The following CARD14 variants were observed in gnomAD, a reference collection of about 807,000 sequenced individuals.
CARD14 encodes caspase recruitment domain family member 14.
Under a neutral mutation model 111.5 loss-of-function variants are expected in CARD14, and 107 were observed. The ratio of observed to expected loss-of-function variants is 0.96; its 90% CI spans 0.82 to 1.13. CARD14 has a LOEUF of 1.13. Among genes scored for constraint, CARD14 ranks in the 50% most tolerant of loss-of-function variants. CARD14 has a pLI of 0.00. For missense variants in CARD14, 1,322 were observed against 1,362.3 expected, an observed-to-expected ratio of 0.97 and a Z score of 0.47; for synonymous variants, 617 against 579.6, an observed-to-expected ratio of 1.06 and a Z score of -0.93.
intron 16 of CARD14, among the ~76,000 whole-genome samples, chr17:80,200,229 ATTTTTTT>A (rs373332962): frequency 5.4e-5 from 4 of 74,430 alleles, no homozygotes; most frequent in South Asian, 1.1e-3. Context: ...TTTACATGTC[ATTTTTTT>A]TTTTTTTTTT....
chr17:80,185,284 T>C (rs951276805), intron 7 of CARD14, among the ~76,000 whole-genome samples: 2 of 152,082 alleles, frequency 1.3e-5, no homozygotes, highest in African/African-American at 4.8e-5. Flanking sequence ...ACTCTTGGGC[T>C]CAAGCGATCC....
At chr17:80,206,649 C>A (rs1460292629) in intron 22 of CARD14, 1 of 162,356 alleles carries the variant, frequency 6.2e-6, no homozygotes, top group Non-Finnish European at 1.3e-5. Context: ...CGCCTGTAGT[C>A]CCAGCTACTC....
intron 4 of CARD14, among the ~76,000 whole-genome samples, 197 bp from the exon 5 acceptor site, chr17:80,181,222 A>G (rs374678128): frequency 1.3e-5 from 2 of 152,246 alleles, no homozygotes; most frequent in East Asian, 1.9e-4. Context: ...TCAACCTTAC[A>G]CAGAGGGAGA....
Position 80,205,063 on chromosome 17 carries a change from C to A in CARD14, c.2427C>A (p.Ser809Arg). The A allele has an allele frequency of 6.2e-7, 1 of 1,607,140 alleles. No individual in the cohort carries two copies. The highest frequency in any genetic ancestry group is 1.7e-5 in the Admixed American group (1 of 59,464). Residue 809 changes from serine (S) to arginine (R), a missense_variant, in exon 21 of 24, where the codon AGC becomes AGA. Physicochemically the swap from Ser to Arg is moderately radical, Grantham distance 110 (BLOSUM62 -1). Transcript: ENST00000648509. The part of the protein sequence containing the change: ...EGSSTCFWAE[S>R]CLTLVPYTLV... ...CCAGCACGTGCTTCTGGGCCGAGAG[C>A]TGCCTCACCCTGGTGCCCTATACCC...
rs768649469 is a variant in CARD14 at position 80,195,354 on chromosome 17, CTGGCACTGGGG to C, written c.1499+34_1499+44del. ...TTCAGGTAGAGCACTGGGGTCCTTC[CTGGCACTGGGG>C]TGGCACTGGGGTCCTTCCTGGCAAC... On this transcript the variant is annotated intron_variant, in intron 13 of 23. Coordinates refer to ENST00000648509, the MANE Select transcript of CARD14 (RefSeq NM_001366385.1). This position sits in a 1 kb window ranked among gnomAD's most constrained non-coding sequence, Gnocchi z 4.7. 4 of 1,598,008 alleles carry C rather than the reference CTGGCACTGGGG, an allele frequency of 2.5e-6. No homozygotes were observed. The highest frequency in any genetic ancestry group is 2.2e-5 in the East Asian group (1 of 44,490).
rs770965110 is a variant in CARD14, at chr17:80,205,057, C to G, written c.2421C>G (p.Ala807=). ...RMEGSSTCFW[A]ESCLTLVPYT... Reference sequence around the variant, plus strand: ...CAGGCTCCAGCACGTGCTTCTGGGCCGAGAGCTGCCTCACCCTGGTGCCCT... The same window carrying G: ...CAGGCTCCAGCACGTGCTTCTGGGCGGAGAGCTGCCTCACCCTGGTGCCCT... Residue 807 remains alanine, a synonymous_variant, in exon 21 of 24, where the codon GCC becomes GCG. Transcript: ENST00000648509. 4 of 1,604,618 alleles carry G rather than the reference C, an allele frequency of 2.5e-6. No individual in the cohort carries two copies. Among genetic ancestry groups the G allele is most frequent in the Non-Finnish European group, 2.6e-6 (3 of 1,174,982 alleles).
At position 80,202,369 on chromosome 17, in the gene CARD14, C is replaced by G. The variant is rs772887668; in HGVS notation, c.2168C>G (p.Ser723Cys). Residue 723 changes from serine (S) to cysteine (C), a missense_variant, in exon 18 of 24, where the codon TCT (serine) becomes TGT (cysteine). By Grantham distance (112) the Ser-to-Cys change is moderately radical (BLOSUM62 -1). Transcript: ENST00000648509. ...CGCWHAHRVN[S>C]YTMKDTAAHG... ...TGCTGGCATGCCCACCGCGTGAACTCTTACACCATGAAGGATACTGCCGCG... is the reference window on the plus strand; with the variant it reads ...TGCTGGCATGCCCACCGCGTGAACTGTTACACCATGAAGGATACTGCCGCG... 1 of 1,613,406 alleles carries G rather than the reference C, an allele frequency of 6.2e-7. No homozygotes were observed. The highest frequency in any genetic ancestry group is 8.5e-7 in the Non-Finnish European group (1 of 1,180,020).
rs575705151 is a variant in CARD14, at chr17:80,208,361, C to T, written c.*16C>T. On this transcript the variant is annotated 3_prime_UTR_variant, in exon 24 of 24. Transcript: ENST00000648509. ...CCCCCGATGATGCACCGTGCCCCTT[C>T]CCGGGACTGTGGGGGCTTCTGTGTG... The T allele has an allele frequency of 2.7e-4, 424 of 1,570,672 alleles. 2 individuals carry two copies. In the African/African-American group the frequency reaches 5.2e-3, roughly 19 times the overall value.
Position 80,189,941 on chromosome 17 carries a change from G to T in CARD14, c.963+69G>T. ...GTCTCAGGGGTGCGGACAGGTCTGT[G>T]GGGAAGCCAGATTCCTTCATCCACG... is the stretch of plus-strand genomic sequence containing the variant. On this transcript the variant is annotated intron_variant, in intron 9 of 23. Coordinates refer to ENST00000648509, the MANE Select transcript of CARD14 (RefSeq NM_001366385.1). The surrounding 1 kb of genome is among the most constrained non-coding windows in gnomAD (Gnocchi z 4.7). 6.6e-7 allele frequency: 1 copy of T among 1,525,636 alleles called. No homozygotes were observed. Among genetic ancestry groups the T allele is most frequent in the East Asian group, 2.6e-5 (1 of 39,196 alleles). The allele number at this position is 1,525,636 out of a possible 1,614,324, so 94.5% of individuals were successfully genotyped here. A position where few individuals can be genotyped will look rare whatever the true frequency, so the allele number is the denominator to read the frequency against.
Position 80,195,651 on chromosome 17 carries a change from A to G in CARD14, c.1593A>G (p.Ala531=), listed in dbSNP as rs143761306. The G allele has an allele frequency of 7.4e-6, 12 of 1,611,440 alleles. No individual in the cohort carries two copies. In the Middle Eastern group the frequency reaches 6.6e-4, roughly 89 times the overall value. ...PHLDYELLDT[A]DLPQLESSLQ... ...TGGATTATGAGCTCCTAGACACGGC[A>G]GGTGAGCACGCCCAACCCTGAACCT... The change falls in exon 14 of 24, where the codon GCA becomes GCG. Residue 531 remains alanine, a splice_region_variant and synonymous_variant. Coordinates refer to ENST00000648509, the MANE Select transcript of CARD14 (RefSeq NM_001366385.1). This position sits in a 1 kb window ranked among gnomAD's most constrained non-coding sequence, Gnocchi z 4.7.
At position 80,203,022 on chromosome 17, in the gene CARD14, C is replaced by T. The variant is rs1212168593; in HGVS notation, c.2219+602C>T. 1 of 152,890 alleles carries T rather than the reference C, an allele frequency of 6.5e-6. No homozygotes were observed. The highest frequency in any genetic ancestry group is 1.9e-4 in the East Asian group (1 of 5,202). The allele number at this position is 152,890 out of a possible 1,614,324, so 9.5% of individuals were successfully genotyped here. A position where few individuals can be genotyped will look rare whatever the true frequency, so the allele number is the denominator to read the frequency against. ...GTGGCTCACACCTGTAATCCAAACA[C>T]TTTGGGAGGCCGAGGCGGGTGGATC... On this transcript the variant is annotated intron_variant, in intron 18 of 23. Coordinates refer to ENST00000648509, the MANE Select transcript of CARD14 (RefSeq NM_001366385.1). The surrounding 1 kb of genome is among the most constrained non-coding windows in gnomAD (Gnocchi z 4.6).
At position 80,208,481 on chromosome 17, in the gene CARD14, C is replaced by T; in HGVS notation, c.*136C>T. 1.3e-6 allele frequency: 1 copy of T among 789,184 alleles called. No individual in the cohort carries two copies. Among genetic ancestry groups the T allele is most frequent in the Non-Finnish European group, 1.9e-6 (1 of 514,578 alleles). 48.9% of individuals were successfully genotyped at this position (789,184 alleles called of 1,614,324 possible). A position where few individuals can be genotyped will look rare whatever the true frequency, so the allele number is the denominator to read the frequency against. ...GCCGGCTCTCCCCACTGGCTGGGGT[C>T]TAACCTTGAACCCTCACCACGTGCA... On this transcript the variant is annotated 3_prime_UTR_variant, in exon 24 of 24. Coordinates refer to ENST00000648509, the MANE Select transcript of CARD14 (RefSeq NM_001366385.1).
At chr17:80,180,286 C>A (rs1002765874) in intron 4 of CARD14, among the ~76,000 whole-genome samples, 4 of 152,232 alleles carry the variant, frequency 2.6e-5, no homozygotes, top group Non-Finnish European at 5.9e-5. Flanking sequence ...TCCAGACAGA[C>A]CTGGGCTTGG....
Position 80,205,640 on chromosome 17 carries a change from C to T in CARD14, c.2679C>T (p.Ser893=), listed in dbSNP as rs1357903126. The T allele has an allele frequency of 6.4e-7, 1 of 1,565,090 alleles. No homozygotes were observed. Among genetic ancestry groups the T allele is most frequent in the Middle Eastern group, 1.8e-4 (1 of 5,572 alleles). Residue 893 remains serine, a synonymous_variant, in exon 22 of 24, where the codon TCC becomes TCT. Coordinates refer to ENST00000648509, the MANE Select transcript of CARD14 (RefSeq NM_001366385.1). The stretch of plus-strand genomic sequence containing the variant: ...GGGTGACCCGCCATGCTGTGGAGTC[C>T]CTCATGGAAAAGGTGAGGTCAAGGG... ...RCWVTRHAVE[S]LMEKNTHALL...
rs138552007 is a variant in CARD14 at position 80,183,941 on chromosome 17, G to A, written c.378G>A (p.Glu126=). Residue 126 remains glutamate (E), a synonymous_variant, in exon 7 of 24, where the codon GAG becomes GAA. Transcript: ENST00000648509. The part of the protein sequence containing the change: ...SGLMETSKLT[E]CLAGAIGSLQ... Reference sequence around the variant, plus strand: ...TCATGGAGACATCCAAGCTGACCGAGTGCCTGGCTGGGGCCATCGGCAGCC... The same window carrying A: ...TCATGGAGACATCCAAGCTGACCGAATGCCTGGCTGGGGCCATCGGCAGCC... 4.1e-3 allele frequency: 6,304 copies of A among 1,532,298 alleles called. 22 individuals are homozygous for A. The highest frequency in any genetic ancestry group is 5.0e-3 in the Non-Finnish European group (5,748 of 1,138,412). The allele number at this position is 1,532,298 out of a possible 1,614,324, so 94.9% of individuals were successfully genotyped here. A position where few individuals can be genotyped will look rare whatever the true frequency, so the allele number is the denominator to read the frequency against.
At chr17:80,173,603 C>T (rs2039959833) in intron 2 of CARD14, among the ~76,000 whole-genome samples, 1 of 148,868 alleles carries the variant, frequency 6.7e-6, no homozygotes, top group South Asian at 2.1e-4. Flanking sequence ...CCAGATTCGG[C>T]ATTTTTTTTT....
At position 80,182,546 on chromosome 17, in the gene CARD14, C is replaced by A; in HGVS notation, c.212-107C>A. 3.0e-6 allele frequency: 4 copies of A among 1,336,672 alleles called. No homozygotes were observed. Among genetic ancestry groups the A allele is most frequent in the Middle Eastern group, 2.6e-4 (1 of 3,874 alleles). The allele number at this position is 1,336,672 out of a possible 1,614,324, so 82.8% of individuals were successfully genotyped here. A position where few individuals can be genotyped will look rare whatever the true frequency, so the allele number is the denominator to read the frequency against. ...TTTCACCTCCCGATTCTTACATGTGCGGGGGGTTTCCCAGCCCCAGGCCTC... is the reference window on the plus strand; with the variant it reads ...TTTCACCTCCCGATTCTTACATGTGAGGGGGGTTTCCCAGCCCCAGGCCTC... On this transcript the variant is annotated intron_variant, in intron 5 of 23. Coordinates refer to ENST00000648509, the MANE Select transcript of CARD14 (RefSeq NM_001366385.1). This position sits in a 1 kb window ranked among gnomAD's most constrained non-coding sequence, Gnocchi z 4.7.
At chr17:80,190,009 C>A in intron 9 of CARD14, 137 bp downstream of exon 9, 2 of 1,237,152 alleles carry the variant, frequency 1.6e-6, no homozygotes, top group Admixed American at 3.5e-5. Flanking sequence ...TCGGCCTGTT[C>A]ATCTGTCCCT....
Position 80,189,741 on chromosome 17 carries a change from T to C in CARD14, c.844-12T>C. 1 of 1,562,676 alleles carries C rather than the reference T, an allele frequency of 6.4e-7. No individual in the cohort carries two copies. The highest frequency in any genetic ancestry group is 8.6e-7 in the Non-Finnish European group (1 of 1,160,288). ...GAAGCCAGCACCCCAGGCTGACCTCTCTCTGCCCCAGGCGGAGAAGGACAT... is the reference window on the plus strand; with the variant it reads ...GAAGCCAGCACCCCAGGCTGACCTCCCTCTGCCCCAGGCGGAGAAGGACAT... On this transcript the variant is annotated splice_polypyrimidine_tract_variant and intron_variant, in intron 8 of 23. Transcript: ENST00000648509. This position sits in a 1 kb window ranked among gnomAD's most constrained non-coding sequence, Gnocchi z 4.7.
Sources: gnomAD v4.1 joint callset for allele counts (sites outside exome capture counted in the v4.1 genomes callset) on GRCh38, gnomAD v4.1.1 for gene constraint, Gnocchi (gnomAD v3.1) non-coding constraint, MANE v1.5 for transcripts, NCBI Gene and HGNC (gene_info 2026-07-23, HGNC 2026-07-21) for gene names.